MPPED2: variants seen among roughly 807,000 people sequenced by gnomAD.
The protein encoded by MPPED2 is metallophosphoesterase domain containing 2.
MPPED2 carries 5 observed loss-of-function variants against 33.0 expected under a neutral mutation model. That is an observed-to-expected ratio of 0.15 (90% CI 0.08 to 0.32). MPPED2 has a LOEUF of 0.32. MPPED2 is among the 10% of genes least tolerant of loss of function. The pLI is 1.00. For synonymous variants in MPPED2, 136 were observed against 141.9 expected (o/e 0.96, Z 0.29); for missense variants, 275 against 372.1 (o/e 0.74, Z 2.15).
intron 2 of MPPED2, among the ~76,000 whole-genome samples, chr11:30,542,382 G>A (rs961236239): frequency 6.9e-6 from 1 of 145,190 alleles, no homozygotes; most frequent in Non-Finnish European, 1.5e-5. Context: ...GGGAGGCTAA[G>A]GTGGGTGGAT....
rs1317113457 is a variant in MPPED2, at chr11:30,511,898, C to T, written c.311-16377G>A. On this transcript the variant is annotated intron_variant, in intron 3 of 6. Transcript: ENST00000358117. ...AATGCAATCCATTAGCAAGATTGGG[C>T]TAAATGTGTGTATACTCTGAACGTC... Among the ~76,000 whole-genome samples, 10 of 152,094 alleles carry T rather than the reference C, an allele frequency of 6.6e-5. No individual in the cohort carries two copies. In the South Asian group the frequency reaches 1.0e-3, roughly 16 times the overall value.
intron 4 of MPPED2, among the ~76,000 whole-genome samples, chr11:30,438,263 T>C (rs1185056512): frequency 1.3e-5 from 2 of 152,206 alleles, no homozygotes; most frequent in Non-Finnish European, 2.9e-5. Context: ...AGTGATATAC[T>C]CATTTATAAG....
intron 4 of MPPED2, among the ~76,000 whole-genome samples, chr11:30,458,443 C>G (rs1426027262): frequency 1.3e-5 from 2 of 152,204 alleles, no homozygotes; most frequent in East Asian, 3.8e-4. Flanking sequence ...TGAAATCCAA[C>G]AGATAATGAA....
intron 6 of MPPED2, among the ~76,000 whole-genome samples, chr11:30,389,146 C>T (rs2133692852): frequency 6.6e-6 from 1 of 152,314 alleles, no homozygotes; most frequent in East Asian, 1.9e-4. Flanking sequence ...CAAGGCCCCT[C>T]CACCAAGCAG....
chr11:30,584,474 T>TC (rs1182303352), intron 1 of MPPED2: 1 of 152,606 alleles, frequency 6.6e-6, no homozygotes, highest in East Asian at 1.9e-4. Context: ...ACTCGCTCAG[T>TC]CCCCCGTTGC....
At chr11:30,501,747 C>T in intron 3 of MPPED2, 1 of 226,660 alleles carries the variant, frequency 4.4e-6, no homozygotes. Flanking sequence ...TTAAGATCTC[C>T]AGCTATGCAC....
At chr11:30,572,614 G>T (rs1290592994) in intron 2 of MPPED2, among the ~76,000 whole-genome samples, 1 of 152,122 alleles carries the variant, frequency 6.6e-6, no homozygotes, top group Non-Finnish European at 1.5e-5. Context: ...TACCAAGAAA[G>T]AAGTGTATGT....
chr11:30,407,880 T>C (rs968904786), downstream of MPPED2, among the ~76,000 whole-genome samples: 4 of 148,388 alleles, frequency 2.7e-5, no homozygotes, highest in African/African-American at 1.0e-4. Context: ...AATAAATAAG[T>C]AAATAAATAA....
intron 2 of MPPED2, among the ~76,000 whole-genome samples, chr11:30,546,361 G>C (rs951580784): frequency 6.6e-6 from 1 of 152,220 alleles, no homozygotes; most frequent in Non-Finnish European, 1.5e-5. Flanking sequence ...TAATGTTGTA[G>C]GGGAGAGAGT....
At chr11:30,575,125 G>C (rs566714948) in intron 2 of MPPED2, among the ~76,000 whole-genome samples, 4 of 151,984 alleles carry the variant, frequency 2.6e-5, no homozygotes, top group Admixed American at 2.0e-4. Context: ...GTAGTACTTT[G>C]GCATGAAATA....
intron 2 of MPPED2, among the ~76,000 whole-genome samples, chr11:30,575,102 C>T (rs1057210596): frequency 6.6e-6 from 1 of 152,086 alleles, no homozygotes; most frequent in African/African-American, 2.4e-5. Context: ...TCAGATCAGA[C>T]AAACAAAATC....
At chr11:30,490,387 T>G (rs925748672) in intron 4 of MPPED2, among the ~76,000 whole-genome samples, 1 of 152,192 alleles carries the variant, frequency 6.6e-6, no homozygotes, top group Non-Finnish European at 1.5e-5. Flanking sequence ...GCTGAACTGT[T>G]AAAAAGATGC....
chr11:30,410,698 C>T lies in MPPED2; in HGVS notation c.*770G>A. The T allele has an allele frequency of 5.1e-6, 5 of 984,558 alleles. No homozygotes were observed. Among genetic ancestry groups the T allele is most frequent in the Non-Finnish European group, 6.0e-6 (5 of 828,780 alleles). The allele number at this position is 984,558 out of a possible 1,614,324, so 61.0% of individuals were successfully genotyped here. On this transcript the variant is annotated 3_prime_UTR_variant, in exon 7 of 7. Coordinates refer to ENST00000358117, the MANE Select transcript of MPPED2 (RefSeq NM_001584.3). ...ATAAACTCCTAACGTAGTCATAATA[C>T]ACAAAAAATACTTATATATATAAAC...
intron 4 of MPPED2, among the ~76,000 whole-genome samples, chr11:30,427,870 G>A (rs1448076481): frequency 6.6e-6 from 1 of 151,872 alleles, no homozygotes; most frequent in African/African-American, 2.4e-5. Context: ...TATATCATTT[G>A]GAAGAAAAAT....
intron 4 of MPPED2, among the ~76,000 whole-genome samples, chr11:30,428,475 G>A (rs1948940320): frequency 6.6e-6 from 1 of 152,150 alleles, no homozygotes; most frequent in Admixed American, 6.5e-5. Context: ...GGAGTTTGAA[G>A]ATGCAGTGAG....
At chr11:30,537,072 A>G (rs1255510488) in intron 2 of MPPED2, among the ~76,000 whole-genome samples, 1 of 152,218 alleles carries the variant, frequency 6.6e-6, no homozygotes, top group African/African-American at 2.4e-5. Flanking sequence ...ATGAAACAGA[A>G]CATCCTCATT....
chr11:30,559,570 T>C (rs1363176014), intron 2 of MPPED2, among the ~76,000 whole-genome samples: 1 of 152,194 alleles, frequency 6.6e-6, no homozygotes, highest in Non-Finnish European at 1.5e-5. Flanking sequence ...CCGAATGAAA[T>C]GTTTTTCCTA....
chr11:30,490,352 A>G (rs1951922477), intron 4 of MPPED2, among the ~76,000 whole-genome samples: 1 of 152,196 alleles, frequency 6.6e-6, no homozygotes, highest in South Asian at 2.1e-4. Flanking sequence ...AAAAACAACA[A>G]TAGGAGAAGT....
chr11:30,563,550 G>A (rs1956320245), intron 2 of MPPED2, among the ~76,000 whole-genome samples: 1 of 152,128 alleles, frequency 6.6e-6, no homozygotes, highest in African/African-American at 2.4e-5. Flanking sequence ...TAAGTGACAG[G>A]AGATAGTAGG....
Sources: gnomAD v4.1 joint callset for allele counts (sites outside exome capture counted in the v4.1 genomes callset) on GRCh38, gnomAD v4.1.1 for gene constraint, MANE v1.5 for transcripts, NCBI Gene and HGNC (gene_info 2026-07-23, HGNC 2026-07-21) for gene names.